GPHN: variants seen among roughly 807,000 people sequenced by gnomAD.
The protein encoded by GPHN is gephyrin.
GPHN carries 17 observed loss-of-function variants against 95.5 expected under a neutral mutation model. The ratio of observed to expected loss-of-function variants is 0.18; its 90% CI spans 0.12 to 0.27. The LOEUF (loss-of-function observed/expected upper bound fraction) is 0.27. Ranked by LOEUF, GPHN falls within the 10% of genes least tolerant of loss-of-function variation. GPHN has a pLI of 1.00. For missense variants in GPHN, 660 were observed against 978.1 expected (o/e 0.67, Z 4.34); for synonymous variants, 320 against 322.5 (o/e 0.99, Z 0.08).
chr14:67,695,905 C>A, the GPHN span: 1 of 587,796 alleles, frequency 1.7e-6, no homozygotes, highest in South Asian at 2.1e-5. Flanking sequence ...AATTATACAT[C>A]GCTAATCCCC....
At chr14:66,820,983 T>A (rs2153490111) in intron 3 of GPHN, among the ~76,000 whole-genome samples, 1 of 152,310 alleles carries the variant, frequency 6.6e-6, no homozygotes, top group South Asian at 2.1e-4. Flanking sequence ...AAGGAAAAGT[T>A]AATCACTAAA....
chr14:67,479,410 C>CAAA, the GPHN span, among the ~76,000 whole-genome samples: 94 of 125,974 alleles, frequency 7.5e-4, 1 homozygote, highest in Middle Eastern at 5.0e-3. Context: ...GACTCTGTCT[C>CAAA]AAAAAAAAAA....
chr14:67,002,682 G>A (rs1201089244), intron 9 of GPHN, among the ~76,000 whole-genome samples: 1 of 151,288 alleles, frequency 6.6e-6, no homozygotes, highest in African/African-American at 2.4e-5. Flanking sequence ...CTGTAAAATA[G>A]GAATGATACC....
the GPHN span, among the ~76,000 whole-genome samples, chr14:67,344,200 C>T: frequency 6.6e-6 from 1 of 152,174 alleles, no homozygotes; most frequent in South Asian, 2.1e-4. Context: ...GTATTGTACT[C>T]GCCAATGAAA....
At chr14:66,925,361 C>T (rs1735228375) in intron 8 of GPHN, among the ~76,000 whole-genome samples, 1 of 152,132 alleles carries the variant, frequency 6.6e-6, no homozygotes, top group South Asian at 2.1e-4. Context: ...CTATCTAGAT[C>T]TTATCCATTG....
chr14:67,270,787 A>G, the GPHN span: 1 of 152,198 alleles, frequency 6.6e-6, no homozygotes, highest in African/African-American at 2.4e-5. Context: ...AGGATCTTTC[A>G]TTGCCTTCAT....
At chr14:66,990,076 T>G (rs1244968793) in intron 9 of GPHN, among the ~76,000 whole-genome samples, 1 of 152,106 alleles carries the variant, frequency 6.6e-6, no homozygotes, top group African/African-American at 2.4e-5. Flanking sequence ...TCAGGAAACT[T>G]ACAATCATGG....
At chr14:67,238,265 CTT>C in the GPHN span, among the ~76,000 whole-genome samples, 9 of 134,112 alleles carry the variant, frequency 6.7e-5, no homozygotes, top group African/African-American at 2.9e-4. Context: ...CTCTTTCTTG[CTT>C]TCTTTTTTTT....
the GPHN span, among the ~76,000 whole-genome samples, chr14:67,495,053 G>T: frequency 1.3e-5 from 2 of 152,148 alleles, no homozygotes; most frequent in African/African-American, 2.4e-5. Context: ...CAACTTTTCT[G>T]TACATTTGAA....
At chr14:67,100,033 G>T (rs534816721) in intron 12 of GPHN, among the ~76,000 whole-genome samples, 7 of 151,718 alleles carry the variant, frequency 4.6e-5, no homozygotes, top group Admixed American at 3.9e-4. Context: ...TCTAGCCATT[G>T]TTATACTGTA....
At chr14:67,303,666 C>A in the GPHN span, 1 of 1,116,340 alleles carries the variant, frequency 9.0e-7, no homozygotes, top group Non-Finnish European at 1.4e-6. Flanking sequence ...TTACTGTTTA[C>A]TGTTACAGAA....
chr14:66,814,974 A>G (rs533968181), intron 3 of GPHN, among the ~76,000 whole-genome samples: 2 of 152,196 alleles, frequency 1.3e-5, no homozygotes, highest in Non-Finnish European at 2.9e-5. Context: ...CATAACCAAC[A>G]TGATAGAGCT....
chr14:67,382,484 C>T, the GPHN span: 16 of 1,613,590 alleles, frequency 9.9e-6, no homozygotes, highest in Admixed American at 5.0e-5. Context: ...GTAATGACTA[C>T]GACAACCCTG....
chr14:67,689,667 G>A, the GPHN span, among the ~76,000 whole-genome samples: 3 of 152,218 alleles, frequency 2.0e-5, no homozygotes, highest in African/African-American at 7.2e-5. Flanking sequence ...GTAATGGCCA[G>A]GTGCGGTGGC....
chr14:66,927,324 G>A (rs2066533086), intron 8 of GPHN, among the ~76,000 whole-genome samples: 1 of 149,694 alleles, frequency 6.7e-6, no homozygotes, highest in Non-Finnish European at 1.5e-5. Flanking sequence ...ACTTCAGCCT[G>A]CGTGATGGAG....
At chr14:67,642,487 T>A in the GPHN span, 1 of 1,125,192 alleles carries the variant, frequency 8.9e-7, no homozygotes, top group Non-Finnish European at 1.3e-6. Context: ...GGGTAGATAT[T>A]AAAATGAACA....
At chr14:66,574,896 G>C (rs1015354813) in intron 1 of GPHN, among the ~76,000 whole-genome samples, 1 of 152,118 alleles carries the variant, frequency 6.6e-6, no homozygotes, top group Non-Finnish European at 1.5e-5. Context: ...CCCCTCCCCT[G>C]TCCTATGTTT....
At chr14:66,872,063 G>T (rs912050362) in intron 4 of GPHN, among the ~76,000 whole-genome samples, 1 of 152,130 alleles carries the variant, frequency 6.6e-6, no homozygotes, top group Non-Finnish European at 1.5e-5. Context: ...AGGATTCACT[G>T]TACCAGTAAA....
the GPHN span, among the ~76,000 whole-genome samples, chr14:67,731,641 A>G: frequency 1.3e-5 from 2 of 152,178 alleles, no homozygotes; most frequent in South Asian, 4.1e-4. Flanking sequence ...TAATTAATAT[A>G]AAAATGTTAG....
Sources: gnomAD v4.1 joint callset for allele counts (sites outside exome capture counted in the v4.1 genomes callset) on GRCh38, gnomAD v4.1.1 for gene constraint, MANE v1.5 for transcripts, NCBI Gene and HGNC (gene_info 2026-07-23, HGNC 2026-07-21) for gene names.